The following TBC1D19 variants were observed in gnomAD, a reference collection of about 807,000 sequenced individuals.
The protein encoded by TBC1D19 is TBC1 domain family member 19.
Under a neutral mutation model 89.0 loss-of-function variants are expected in TBC1D19, and 60 were observed. The observed-to-expected ratio is 0.67, with a 90% CI of 0.55 to 0.84. The LOEUF is 0.84. Among genes scored for constraint, TBC1D19 ranks in the 40% least tolerant of loss-of-function variants. TBC1D19 has a pLI of 0.00. For synonymous variants in TBC1D19, 189 were observed against 199.7 expected, an observed-to-expected ratio of 0.95 and a Z score of 0.45; for missense variants, 500 against 610.8, an observed-to-expected ratio of 0.82 and a Z score of 1.91.
chr4:26,610,620 A>G (rs984646272), intron 1 of TBC1D19, among the ~76,000 whole-genome samples: 1 of 151,962 alleles, frequency 6.6e-6, no homozygotes, highest in African/African-American at 2.4e-5. Flanking sequence ...ACCATCAAGT[A>G]GGCCCTGGTG....
intron 1 of TBC1D19, among the ~76,000 whole-genome samples, chr4:26,605,035 A>G (rs1163911211): frequency 6.6e-6 from 1 of 152,010 alleles, no homozygotes; most frequent in Non-Finnish European, 1.5e-5. Context: ...AAGAACTACC[A>G]TTCTTTTTTT....
At chr4:26,785,490 A>T in the TBC1D19 span, among the ~76,000 whole-genome samples, 1 of 152,244 alleles carries the variant, frequency 6.6e-6, no homozygotes, top group African/African-American at 2.4e-5. Context: ...TACTACAATG[A>T]CAATGATGAC....
At chr4:26,699,963 G>T (rs1435517605) in intron 13 of TBC1D19, among the ~76,000 whole-genome samples, 1 of 151,640 alleles carries the variant, frequency 6.6e-6, no homozygotes, top group African/African-American at 2.4e-5. Context: ...GTATACATAT[G>T]TAACAAGCCT....
intron 9 of TBC1D19, among the ~76,000 whole-genome samples, 176 bp from the exon 10 acceptor site, chr4:26,671,970 AATT>A (rs1712351474): frequency 1.3e-5 from 2 of 151,838 alleles, no homozygotes; most frequent in African/African-American, 4.8e-5. Context: ...ACTCTGTTTT[AATT>A]TTAAAAAATG....
At chr4:26,764,421 G>A in the TBC1D19 span, among the ~76,000 whole-genome samples, 330 of 152,278 alleles carry the variant, frequency 2.2e-3, no homozygotes, top group Non-Finnish European at 3.9e-3. Flanking sequence ...AGTTGTTCAG[G>A]AGCCTGTGTC....
At chr4:26,802,428 C>G in the TBC1D19 span, among the ~76,000 whole-genome samples, 1 of 152,098 alleles carries the variant, frequency 6.6e-6, no homozygotes, top group Non-Finnish European at 1.5e-5. Flanking sequence ...TGGTGAAACC[C>G]CATCTCTACT....
the TBC1D19 span, among the ~76,000 whole-genome samples, chr4:26,851,122 C>T: frequency 6.6e-6 from 1 of 152,236 alleles, no homozygotes; most frequent in African/African-American, 2.4e-5. Flanking sequence ...TAGCACCCCT[C>T]AATCCAAGTT....
chr4:26,779,227 T>C, the TBC1D19 span, among the ~76,000 whole-genome samples: 4 of 152,170 alleles, frequency 2.6e-5, no homozygotes, highest in African/African-American at 9.7e-5. Flanking sequence ...CCTTCAACAA[T>C]GTCAATAAAT....
At chr4:26,686,901 G>A (rs1713860121) in intron 12 of TBC1D19, among the ~76,000 whole-genome samples, 2 of 152,128 alleles carry the variant, frequency 1.3e-5, no homozygotes, top group Non-Finnish European at 2.9e-5. Flanking sequence ...TTTATAGACT[G>A]TTAGAGCTAT....
chr4:26,629,504 T>TA (rs1307591758), intron 4 of TBC1D19, among the ~76,000 whole-genome samples: 2 of 152,036 alleles, frequency 1.3e-5, no homozygotes, highest in Non-Finnish European at 2.9e-5. Flanking sequence ...ATAGATATTT[T>TA]AAAAAAATTA....
At chr4:26,600,409 TGTAA>T (rs1193492422) in intron 1 of TBC1D19, among the ~76,000 whole-genome samples, 2 of 152,190 alleles carry the variant, frequency 1.3e-5, no homozygotes, top group Non-Finnish European at 2.9e-5. Context: ...AAAATACATA[TGTAA>T]GGGATAAGAG....
the TBC1D19 span, among the ~76,000 whole-genome samples, chr4:26,801,096 G>A: frequency 1.3e-5 from 2 of 152,170 alleles, no homozygotes; most frequent in Non-Finnish European, 2.9e-5. Context: ...CCTATGTCCT[G>A]AATGGCATTG....
the TBC1D19 span, among the ~76,000 whole-genome samples, chr4:26,854,725 CCTT>C: frequency 9.7e-6 from 1 of 103,564 alleles, no homozygotes; most frequent in African/African-American, 4.0e-5. Context: ...GAATCTCCAG[CCTT>C]TTTTTTTTTT....
At chr4:26,593,920 A>G (rs982913367) in intron 1 of TBC1D19, among the ~76,000 whole-genome samples, 9 of 152,196 alleles carry the variant, frequency 5.9e-5, no homozygotes, top group Non-Finnish European at 1.3e-4. Context: ...ACCATTGTGG[A>G]AGTCAGTGTG....
chr4:26,652,376 T>C (rs1385521909), intron 7 of TBC1D19, among the ~76,000 whole-genome samples: 1 of 152,170 alleles, frequency 6.6e-6, no homozygotes, highest in Non-Finnish European at 1.5e-5. Context: ...CTATTAATTA[T>C]TGCCTCAATT....
chr4:26,842,637 TTTCTTTC>T, the TBC1D19 span, among the ~76,000 whole-genome samples: 4 of 143,574 alleles, frequency 2.8e-5, no homozygotes, highest in African/African-American at 1.1e-4. Flanking sequence ...TCTTTCTTTC[TTTCTTTC>T]TTTTTCTTTC....
chr4:26,688,161 T>C (rs1190238089), intron 12 of TBC1D19, among the ~76,000 whole-genome samples, 184 bp from the exon 13 acceptor site: 1 of 152,126 alleles, frequency 6.6e-6, no homozygotes, highest in Non-Finnish European at 1.5e-5. Flanking sequence ...GGAATTCGAG[T>C]TCAAATAATG....
the TBC1D19 span, among the ~76,000 whole-genome samples, chr4:26,800,423 G>A: frequency 6.6e-6 from 1 of 152,308 alleles, no homozygotes; most frequent in Non-Finnish European, 1.5e-5. Context: ...CATTTGGGTT[G>A]GCTCCAAGTC....
chr4:26,637,211 G>C lies in TBC1D19; in HGVS notation c.295G>C (p.Gly99Arg), dbSNP rs769355044. Residue 99 changes from glycine to arginine, a missense_variant and splice_region_variant, in exon 5 of 21, where the codon GGA becomes CGA. Gly to Arg is a moderately radical substitution (Grantham distance 125, BLOSUM62 -2). Coordinates refer to ENST00000264866, the MANE Select transcript of TBC1D19 (RefSeq NM_018317.4). ...TAATTGATTGTTTTTTATGTTTCAGGGAAGTTGGGAAAAAAGAATTTTGAA... is the reference window on the plus strand; with the variant it reads ...TAATTGATTGTTTTTTATGTTTCAGCGAAGTTGGGAAAAAAGAATTTTGAA... ...EPLVYMRKAQ[G>R]SWEKRILKSL... 1 of 1,599,856 alleles carries C rather than the reference G, an allele frequency of 6.3e-7. No individual in the cohort carries two copies. The highest frequency in any genetic ancestry group is 1.1e-5 in the South Asian group (1 of 88,892).
Sources: gnomAD v4.1 joint callset for allele counts (sites outside exome capture counted in the v4.1 genomes callset) on GRCh38, gnomAD v4.1.1 for gene constraint, MANE v1.5 for transcripts, NCBI Gene and HGNC (gene_info 2026-07-23, HGNC 2026-07-21) for gene names.